EFR3A: variants seen among roughly 807,000 people sequenced by gnomAD.
The protein encoded by EFR3A is protein EFR3 homolog A.
EFR3A carries 76 observed loss-of-function variants against 104.4 expected under a neutral mutation model. The ratio of observed to expected loss-of-function variants is 0.73; its 90% CI spans 0.60 to 0.88. The LOEUF (loss-of-function observed/expected upper bound fraction) is 0.88. EFR3A is among the 40% of genes least tolerant of loss of function. The pLI is 0.00. For missense variants in EFR3A, 985 were observed against 1,012.5 expected (o/e 0.97, Z 0.37); for synonymous variants, 330 against 330.0 (o/e 1.00, Z 0.00).
At chr8:131,910,853 G>A (rs879695570) in intron 1 of EFR3A, among the ~76,000 whole-genome samples, 31 of 152,296 alleles carry the variant, frequency 2.0e-4, no homozygotes, top group Admixed American at 1.3e-3. Flanking sequence ...AGTGGGAGTA[G>A]AGAGGTTTTT....
At chr8:131,978,798 A>G (rs766813285) in intron 12 of EFR3A, 49 bp from the exon 13 acceptor site, 5 of 1,357,708 alleles carry the variant, frequency 3.7e-6, no homozygotes, top group Non-Finnish European at 4.8e-6. Flanking sequence ...GAATTTTACA[A>G]AAAAAGGACT....
chr8:131,971,023 C>T (rs1008924992), intron 10 of EFR3A, among the ~76,000 whole-genome samples: 14 of 151,888 alleles, frequency 9.2e-5, no homozygotes, highest in Admixed American at 5.9e-4. Flanking sequence ...TTCTAAACCA[C>T]GAGATACAGG....
intron 1 of EFR3A, among the ~76,000 whole-genome samples, chr8:131,919,771 A>G (rs1816913461): frequency 6.6e-6 from 1 of 151,786 alleles, no homozygotes; most frequent in Non-Finnish European, 1.5e-5. Context: ...CTCAAACTTT[A>G]GTAAGTATTA....
rs1226262192 is a variant in EFR3A at position 132,012,802 on chromosome 8, AAC to A, written c.*1911_*1912del. ...TATATATTCATTTGCACTTACGTGAAACACAAACTTTGCTCTACAAAATTTCG... is the reference window on the plus strand; with the variant it reads ...TATATATTCATTTGCACTTACGTGAAACAAACTTTGCTCTACAAAATTTCG... On this transcript the variant is annotated 3_prime_UTR_variant, in exon 23 of 23. Transcript: ENST00000254624. 4.6e-5 allele frequency: 7 copies of A among 152,456 alleles called. No homozygotes were observed. The highest frequency in any genetic ancestry group is 6.8e-3 in the Middle Eastern group (2 of 294). 9.4% of individuals were successfully genotyped at this position (152,456 alleles called of 1,614,324 possible).
intron 9 of EFR3A, among the ~76,000 whole-genome samples, chr8:131,969,619 C>G (rs1469099249): frequency 6.6e-6 from 1 of 151,106 alleles, no homozygotes; most frequent in East Asian, 1.9e-4. Flanking sequence ...ATATGGAGGA[C>G]CAACTGTATT....
chr8:131,923,747 A>C (rs1264399698), intron 1 of EFR3A, among the ~76,000 whole-genome samples: 1 of 152,086 alleles, frequency 6.6e-6, no homozygotes, highest in Non-Finnish European at 1.5e-5. Context: ...GCTGAGTCAC[A>C]ATCCCCTGCT....
chr8:131,907,804 TC>T (rs1389396444), intron 1 of EFR3A, among the ~76,000 whole-genome samples: 1 of 151,698 alleles, frequency 6.6e-6, no homozygotes, highest in African/African-American at 2.4e-5. Flanking sequence ...TTCCTCATTG[TC>T]CCTTTGCTTC....
At chr8:131,948,734 A>C (rs1818558579) in intron 4 of EFR3A, among the ~76,000 whole-genome samples, 1 of 152,126 alleles carries the variant, frequency 6.6e-6, no homozygotes, top group African/African-American at 2.4e-5. Context: ...CCAGTTACCT[A>C]CCTTAATTTG....
At chr8:131,909,511 A>G (rs564093324) in intron 1 of EFR3A, among the ~76,000 whole-genome samples, 43 of 152,242 alleles carry the variant, frequency 2.8e-4, no homozygotes, top group African/African-American at 1.0e-3. Flanking sequence ...TCACTACTAT[A>G]CTCCAGCCTG....
At chr8:131,985,702 A>T (rs1586653564) in intron 16 of EFR3A, among the ~76,000 whole-genome samples, 1 of 152,184 alleles carries the variant, frequency 6.6e-6, no homozygotes, top group East Asian at 1.9e-4. Flanking sequence ...TTAATCAGAC[A>T]TTTGAGTGAA....
chr8:131,908,186 T>G (rs1242816039), intron 1 of EFR3A, among the ~76,000 whole-genome samples: 2 of 151,818 alleles, frequency 1.3e-5, no homozygotes, highest in Non-Finnish European at 2.9e-5. Flanking sequence ...TCAGCCTCCC[T>G]AGTAGCTGGG....
At chr8:131,997,301 G>T (rs182343780) in intron 19 of EFR3A, among the ~76,000 whole-genome samples, 1 of 152,156 alleles carries the variant, frequency 6.6e-6, no homozygotes, top group East Asian at 1.9e-4. Flanking sequence ...ATAATTAAAA[G>T]AATATCCATA....
chr8:131,949,944 ATAT>A (rs754882071), intron 4 of EFR3A, 22 bp from the exon 5 acceptor site: 39 of 1,555,912 alleles, frequency 2.5e-5, no homozygotes, highest in Non-Finnish European at 3.0e-5. Flanking sequence ...AAGGTGAAGT[ATAT>A]TATATTATTT....
At chr8:131,937,779 CT>C (rs78277313) in intron 1 of EFR3A, among the ~76,000 whole-genome samples, 41,173 of 137,552 alleles carry the variant, frequency 0.3, 5,260 homozygotes, top group East Asian at 0.55. Context: ...TCATCCCCCT[CT>C]TTTTTTTTTT....
intron 12 of EFR3A, among the ~76,000 whole-genome samples, chr8:131,977,595 G>A (rs959378255): frequency 8.5e-5 from 13 of 152,082 alleles, no homozygotes; most frequent in Non-Finnish European, 1.5e-5. Context: ...AGGTCCTCTG[G>A]TTATTGTCTA....
intron 1 of EFR3A, among the ~76,000 whole-genome samples, chr8:131,932,788 T>G (rs1817675386): frequency 6.6e-6 from 1 of 152,148 alleles, no homozygotes; most frequent in Admixed American, 6.6e-5. Flanking sequence ...ACAAGTGCTT[T>G]TGTTAGACTG....
intron 8 of EFR3A, among the ~76,000 whole-genome samples, chr8:131,960,698 A>C (rs1179762661): frequency 1.3e-5 from 2 of 152,212 alleles, no homozygotes; most frequent in Non-Finnish European, 2.9e-5. Flanking sequence ...ACCAGGATTT[A>C]TATCCTTAAG....
intron 2 of EFR3A, among the ~76,000 whole-genome samples, chr8:131,941,882 T>C (rs1349042015): frequency 2.0e-5 from 3 of 152,104 alleles, no homozygotes; most frequent in Non-Finnish European, 4.4e-5. Context: ...GAGCAAGTTA[T>C]CCATCAGACT....
chr8:131,980,708 AC>A (rs1489247868), intron 14 of EFR3A, among the ~76,000 whole-genome samples: 1 of 152,068 alleles, frequency 6.6e-6, no homozygotes, highest in African/African-American at 2.4e-5. Context: ...AATATACAAT[AC>A]ACTATTATTG....
Sources: gnomAD v4.1 joint callset for allele counts (sites outside exome capture counted in the v4.1 genomes callset) on GRCh38, gnomAD v4.1.1 for gene constraint, MANE v1.5 for transcripts, NCBI Gene and HGNC (gene_info 2026-07-23, HGNC 2026-07-21) for gene names.